Variants in ZMYM2 observed in about 807,000 individuals in gnomAD.
The protein encoded by ZMYM2 is zinc finger MYM-type protein 2.
A neutral mutation model predicts 162.8 loss-of-function variants in ZMYM2; 56 were observed. The observed-to-expected ratio is 0.34, with a 90% CI of 0.28 to 0.43. ZMYM2 has a LOEUF of 0.43. Ranked by LOEUF, ZMYM2 falls within the 20% of genes least tolerant of loss-of-function variation. ZMYM2 has a pLI of 1.00. For synonymous variants in ZMYM2, 510 were observed against 541.6 expected (o/e 0.94, Z 0.81); for missense variants, 1,275 against 1,621.8 (o/e 0.79, Z 3.67).
chr13:19,989,712 A>G (rs759810589), intron 2 of ZMYM2, among the ~76,000 whole-genome samples: 15 of 152,200 alleles, frequency 9.9e-5, no homozygotes, highest in Non-Finnish European at 2.1e-4. Context: ...ATTATTATTG[A>G]CTATAGTCAC....
At chr13:19,936,019 C>T in the ZMYM2 span, among the ~76,000 whole-genome samples, 6 of 152,136 alleles carry the variant, frequency 3.9e-5, no homozygotes, top group African/African-American at 1.4e-4. Flanking sequence ...AAAATTCTAA[C>T]CATGACTTGC....
chr13:19,947,906 G>A, the ZMYM2 span, among the ~76,000 whole-genome samples: 1 of 151,196 alleles, frequency 6.6e-6, no homozygotes, highest in African/African-American at 2.4e-5. Context: ...GTTCTTTACA[G>A]CATCTCTTCT....
intron 3 of ZMYM2, among the ~76,000 whole-genome samples, chr13:19,999,699 G>A (rs1262998675): frequency 6.6e-6 from 1 of 152,234 alleles, no homozygotes; most frequent in African/African-American, 2.4e-5. Context: ...AAGGCTGAGA[G>A]CTAGGCCTCT....
chr13:20,059,621 C>A (rs1956079729), intron 16 of ZMYM2, 59 bp downstream of exon 16: 2 of 807,904 alleles, frequency 2.5e-6, no homozygotes, highest in Non-Finnish European at 4.4e-6. Flanking sequence ...GTTGGGAAAA[C>A]AGTGTACAGT....
chr13:19,960,533 C>T (rs775402573), intron 2 of ZMYM2, among the ~76,000 whole-genome samples: 3 of 152,080 alleles, frequency 2.0e-5, no homozygotes, highest in Admixed American at 6.6e-5. Context: ...AGATCTTTTT[C>T]ATGTATTTGC....
chr13:20,031,934 G>A (rs944130261), intron 10 of ZMYM2, among the ~76,000 whole-genome samples: 12 of 139,848 alleles, frequency 8.6e-5, no homozygotes, highest in Admixed American at 3.1e-4. Context: ...GCAGTGGCAC[G>A]ATCTCGGCTC....
chr13:19,995,019 AT>A (rs1447538462), intron 3 of ZMYM2, among the ~76,000 whole-genome samples: 3 of 143,632 alleles, frequency 2.1e-5, no homozygotes, highest in African/African-American at 8.2e-5. Flanking sequence ...AAAAAAAAAA[AT>A]TATTTGTAGA....
At chr13:19,917,327 G>A in the ZMYM2 span, among the ~76,000 whole-genome samples, 2 of 152,124 alleles carry the variant, frequency 1.3e-5, no homozygotes, top group African/African-American at 4.8e-5. Context: ...AGTGGCTCAC[G>A]CCTGTAATCC....
chr13:20,018,971 T>G (rs2140153879), intron 6 of ZMYM2, among the ~76,000 whole-genome samples: 1 of 150,978 alleles, frequency 6.6e-6, no homozygotes, highest in Admixed American at 6.6e-5. Context: ...TCCCAGCTAC[T>G]CAGGAGGTTG....
At chr13:20,019,108 A>ACC (rs1428361961) in intron 6 of ZMYM2, among the ~76,000 whole-genome samples, 1 of 930 alleles carries the variant, frequency 1.1e-3, no homozygotes, top group Admixed American at 0.036. Context: ...AACAACAACA[A>ACC]AAAAAAACAA....
At chr13:20,018,022 C>T (rs527248707) in intron 6 of ZMYM2, among the ~76,000 whole-genome samples, 63 of 152,218 alleles carry the variant, frequency 4.1e-4, no homozygotes, top group Non-Finnish European at 6.6e-4. Context: ...GTTAAAAGGT[C>T]GGCCTCTCTA....
At chr13:20,002,225 A>G (rs1950447195) in intron 3 of ZMYM2, among the ~76,000 whole-genome samples, 1 of 152,354 alleles carries the variant, frequency 6.6e-6, no homozygotes, top group East Asian at 1.9e-4. Flanking sequence ...GGATTTTATT[A>G]TTATTTAATG....
At chr13:20,078,216 G>A (rs1321365678) in intron 21 of ZMYM2, among the ~76,000 whole-genome samples, 1 of 152,022 alleles carries the variant, frequency 6.6e-6, no homozygotes, top group Non-Finnish European at 1.5e-5. Context: ...AAATTATTGT[G>A]CAGAACTACT....
intron 6 of ZMYM2, among the ~76,000 whole-genome samples, chr13:20,013,486 T>C (rs1195720920): frequency 2.0e-5 from 3 of 152,216 alleles, no homozygotes; most frequent in Non-Finnish European, 4.4e-5. Flanking sequence ...CAAATAGATG[T>C]GGTGAAAGTG....
At chr13:19,921,074 C>T in the ZMYM2 span, among the ~76,000 whole-genome samples, 2 of 152,004 alleles carry the variant, frequency 1.3e-5, no homozygotes, top group Non-Finnish European at 2.9e-5. Context: ...CAGCCTTTCC[C>T]TTCCTTTAGT....
intron 6 of ZMYM2, among the ~76,000 whole-genome samples, chr13:20,007,963 C>T (rs953637104): frequency 3.9e-5 from 6 of 152,130 alleles, no homozygotes; most frequent in Admixed American, 1.3e-4. Context: ...TCCTTTCTCA[C>T]GCAAAGTTTT....
the ZMYM2 span, among the ~76,000 whole-genome samples, chr13:19,884,289 A>G: frequency 6.6e-6 from 1 of 152,148 alleles, no homozygotes; most frequent in African/African-American, 2.4e-5. Flanking sequence ...CGCTGACGCC[A>G]GTGGCGGGGT....
At chr13:19,960,598 G>A (rs558084578) in intron 2 of ZMYM2, among the ~76,000 whole-genome samples, 70 of 152,280 alleles carry the variant, frequency 4.6e-4, no homozygotes, top group African/African-American at 1.5e-3. Context: ...GTAGTATGCT[G>A]ATCAGTCCAG....
chr13:20,033,272 A>T (rs189389119), intron 10 of ZMYM2, among the ~76,000 whole-genome samples: 87 of 151,866 alleles, frequency 5.7e-4, no homozygotes, highest in Middle Eastern at 3.4e-3. Flanking sequence ...TGTCAATGCT[A>T]CTCCACTTCT....
Sources: allele counts gnomAD v4.1 joint callset (sites outside exome capture counted in the v4.1 genomes callset), GRCh38; gene constraint gnomAD v4.1.1; transcripts MANE v1.5; gene names NCBI Gene and HGNC (gene_info 2026-07-23, HGNC 2026-07-21).